Variants in DLG2 observed in about 807,000 individuals in gnomAD.
DLG2 encodes the protein discs large MAGUK scaffold protein 2, also known as disks large homolog 2.
DLG2 carries 45 observed loss-of-function variants against 132.5 expected under a neutral mutation model. The observed-to-expected ratio is 0.34, with a 90% CI of 0.27 to 0.44. The LOEUF is 0.44. DLG2 is among the 20% of genes least tolerant of loss of function. DLG2 has a pLI of 1.00. For synonymous variants in DLG2, 424 were observed against 419.6 expected, an observed-to-expected ratio of 1.01 and a Z score of -0.13; for missense variants, 1,045 against 1,196.9, an observed-to-expected ratio of 0.87 and a Z score of 1.87.
At chr11:85,579,036 G>A (rs1019850945) in intron 3 of DLG2, among the ~76,000 whole-genome samples, 2 of 152,088 alleles carry the variant, frequency 1.3e-5, no homozygotes, top group African/African-American at 4.8e-5. Context: ...ATACACCATG[G>A]AATACTACAC....
chr11:85,583,126 G>GTATATA (rs1163054982), intron 3 of DLG2, among the ~76,000 whole-genome samples: 44 of 34,266 alleles, frequency 1.3e-3, no homozygotes, highest in Non-Finnish European at 2.2e-3. Flanking sequence ...GTGTGTGTGT[G>GTATATA]TGTGTATATA....
chr11:84,781,506 C>T lies in DLG2; in HGVS notation c.358-246775G>A, dbSNP rs115422671. Reference sequence around the variant, plus strand: ...ATCAAGAATACTAAGAGGAAAACGACCTAATACATGATAATAAAATAATAA... The same window carrying T: ...ATCAAGAATACTAAGAGGAAAACGATCTAATACATGATAATAAAATAATAA... On this transcript the variant is annotated intron_variant, in intron 6 of 27. Coordinates refer to ENST00000376104, the MANE Select transcript of DLG2 (RefSeq NM_001142699.3). 4.1e-3 allele frequency among the ~76,000 whole-genome samples: 628 copies of T among 151,678 alleles called. 3 individuals carry two copies. The highest frequency in any genetic ancestry group is 0.015 in the African/African-American group (614 of 41,414).
At chr11:84,011,536 A>T (rs1284504280) in intron 11 of DLG2, among the ~76,000 whole-genome samples, 2 of 152,150 alleles carry the variant, frequency 1.3e-5, no homozygotes, top group East Asian at 3.9e-4. Context: ...ACTCTTCTAA[A>T]TGTTACAGAT....
intron 19 of DLG2, among the ~76,000 whole-genome samples, chr11:83,557,599 T>C (rs779021015): frequency 5.9e-5 from 9 of 152,216 alleles, no homozygotes; most frequent in Non-Finnish European, 1.3e-4. Flanking sequence ...TTAGAAATCA[T>C]AGATAAATGA....
At chr11:84,397,494 G>A (rs1463104874) in intron 7 of DLG2, among the ~76,000 whole-genome samples, 6 of 152,140 alleles carry the variant, frequency 3.9e-5, no homozygotes, top group Admixed American at 1.3e-4. Flanking sequence ...TAGAGATGAC[G>A]CGGGCCATGT....
At chr11:83,906,132 T>C (rs1337590799) in intron 15 of DLG2, among the ~76,000 whole-genome samples, 1 of 145,206 alleles carries the variant, frequency 6.9e-6, no homozygotes, top group African/African-American at 2.6e-5. Flanking sequence ...CTATAAAAGC[T>C]CACAAAATAA....
intron 6 of DLG2, among the ~76,000 whole-genome samples, chr11:84,550,201 G>C (rs913976188): frequency 6.6e-6 from 1 of 151,828 alleles, no homozygotes; most frequent in Non-Finnish European, 1.5e-5. Context: ...CCATTACAGG[G>C]AACAGGCTTC....
At chr11:85,064,897 T>C (rs1197157635) in intron 6 of DLG2, among the ~76,000 whole-genome samples, 7 of 151,566 alleles carry the variant, frequency 4.6e-5, no homozygotes, top group Non-Finnish European at 1.0e-4. Context: ...TCTTTCTCTC[T>C]CTCTCTCTTT....
intron 4 of DLG2, among the ~76,000 whole-genome samples, chr11:85,231,639 A>G (rs892238910): frequency 4.6e-5 from 7 of 151,916 alleles, no homozygotes; most frequent in Admixed American, 4.0e-4. Flanking sequence ...TGACATCATC[A>G]GAGTGACGAG....
intron 3 of DLG2, among the ~76,000 whole-genome samples, chr11:85,442,053 G>A (rs1326766286): frequency 6.6e-6 from 1 of 151,814 alleles, no homozygotes; most frequent in East Asian, 1.9e-4. Context: ...AAGCTGTTAG[G>A]GACAAGCTGA....
At chr11:85,238,205 T>A (rs965908037) in intron 4 of DLG2, among the ~76,000 whole-genome samples, 1 of 126,002 alleles carries the variant, frequency 7.9e-6, no homozygotes, top group Non-Finnish European at 1.7e-5. Context: ...TTTATTTTTA[T>A]TTTATTTATT....
intron 7 of DLG2, among the ~76,000 whole-genome samples, chr11:84,465,595 TA>T (rs1392096940): frequency 6.6e-6 from 1 of 151,268 alleles, no homozygotes; most frequent in Non-Finnish European, 1.5e-5. Flanking sequence ...CTCGCTTCTA[TA>T]AAGGGTTATT....
At chr11:83,717,552 CAA>C (rs1483388450) in intron 18 of DLG2, among the ~76,000 whole-genome samples, 1 of 152,086 alleles carries the variant, frequency 6.6e-6, no homozygotes, top group Non-Finnish European at 1.5e-5. Flanking sequence ...ACAAACAGTT[CAA>C]TTAGTCTAGA....
At chr11:84,973,222 G>C (rs967924773) in intron 6 of DLG2, among the ~76,000 whole-genome samples, 4 of 152,100 alleles carry the variant, frequency 2.6e-5, no homozygotes, top group Non-Finnish European at 5.9e-5. Context: ...GCCTCCCAAA[G>C]TGCTGGGATT....
intron 7 of DLG2, among the ~76,000 whole-genome samples, chr11:84,325,361 AC>A (rs921776981): frequency 1.0e-3 from 154 of 149,412 alleles, no homozygotes; most frequent in African/African-American, 3.7e-3. Context: ...TCCTCCCCCA[AC>A]CCCCTCACCC....
In DLG2 at chr11:84,317,301, G is replaced by C. The variant is rs528194838; in HGVS notation, c.520-66010C>G. The C allele has an allele frequency of 1.0e-4, 147 of 1,443,984 alleles. No individual in the cohort carries two copies. In the South Asian group the frequency reaches 2.0e-3, roughly 19 times the overall value. 89.4% of individuals were successfully genotyped at this position (1,443,984 alleles called of 1,614,324 possible). On this transcript the variant is annotated intron_variant, in intron 7 of 27. Transcript: ENST00000376104. ...CTATAAGCAGTGCATCGTGGGAGCA[G>C]TGGGAGCAGCGACAGCAGCTCCGCA...
intron 18 of DLG2, among the ~76,000 whole-genome samples, chr11:83,753,844 C>CAT (rs1183117288): frequency 6.9e-4 from 6 of 8,746 alleles, no homozygotes; most frequent in African/African-American, 3.4e-3. Context: ...TGATATATAT[C>CAT]ATATATATCA....
intron 7 of DLG2, among the ~76,000 whole-genome samples, chr11:84,319,433 T>C (rs2098390574): frequency 1.3e-5 from 2 of 152,230 alleles, no homozygotes; most frequent in South Asian, 4.1e-4. Flanking sequence ...GATGCTTCTC[T>C]AGTTTTTTAG....
intron 9 of DLG2, among the ~76,000 whole-genome samples, chr11:84,129,898 C>T (rs904693808): frequency 5.3e-5 from 8 of 151,748 alleles, no homozygotes; most frequent in African/African-American, 1.9e-4. Flanking sequence ...TCTACAATCT[C>T]GAACTTAGAA....
Sources: gnomAD v4.1 joint callset for allele counts (sites outside exome capture counted in the v4.1 genomes callset) on GRCh38, gnomAD v4.1.1 for gene constraint, MANE v1.5 for transcripts, NCBI Gene and HGNC (gene_info 2026-07-23, HGNC 2026-07-21) for gene names.